The following AGBL4 variants were observed in gnomAD, a reference collection of about 807,000 sequenced individuals.
AGBL4 encodes cytosolic carboxypeptidase 6.
AGBL4 carries 58 observed loss-of-function variants against 66.4 expected under a neutral mutation model. That is an observed-to-expected ratio of 0.87 (90% confidence interval 0.71 to 1.09). The LOEUF is 1.09. Among genes scored for constraint, AGBL4 ranks in the 50% least tolerant of loss-of-function variants. The pLI, the probability that AGBL4 is intolerant of heterozygous loss-of-function variation, is 0.00. For synonymous variants in AGBL4, 234 were observed against 222.9 expected (o/e 1.05, Z -0.44); for missense variants, 579 against 631.0 (o/e 0.92, Z 0.88).
In AGBL4 at chr1:49,557,491, T is replaced by C. The variant is rs370510543; in HGVS notation, c.282+139822A>G. Among the ~76,000 whole-genome samples the C allele has an allele frequency of 1.4e-3, 209 of 152,078 alleles. 1 individual carries two copies. The highest frequency in any genetic ancestry group is 4.7e-3 in the African/African-American group (195 of 41,494). ...CGCTGGGGAAGGAAGAACACAGCAA[T>C]GATGAGACATTGAACTCAGGGCTGT... On this transcript the variant is annotated intron_variant, in intron 3 of 13. Coordinates refer to ENST00000371839, the MANE Select transcript of AGBL4 (RefSeq NM_032785.4).
intron 5 of AGBL4, among the ~76,000 whole-genome samples, chr1:48,957,086 A>G (rs936179964): frequency 6.6e-6 from 1 of 152,124 alleles, no homozygotes; most frequent in African/African-American, 2.4e-5. Flanking sequence ...TTTTAACCCA[A>G]CCCTTCTTTT....
chr1:49,463,644 G>A (rs1646563471), intron 3 of AGBL4, among the ~76,000 whole-genome samples: 1 of 151,678 alleles, frequency 6.6e-6, no homozygotes. Flanking sequence ...AAAAGGAGAT[G>A]GGGAGTAATT....
intron 1 of AGBL4, among the ~76,000 whole-genome samples, chr1:49,959,898 A>C (rs1254845092): frequency 6.6e-6 from 1 of 151,964 alleles, no homozygotes; most frequent in African/African-American, 2.4e-5. Context: ...GGTGGAGCTT[A>C]AGCGAACTAA....
At chr1:48,986,692 G>C (rs1660202310) in intron 5 of AGBL4, among the ~76,000 whole-genome samples, 1 of 151,794 alleles carries the variant, frequency 6.6e-6, no homozygotes, top group Admixed American at 6.6e-5. Flanking sequence ...TATGCCAGAT[G>C]GAAATATGGA....
intron 2 of AGBL4, among the ~76,000 whole-genome samples, chr1:49,709,718 T>A (rs1023922187): frequency 4.0e-5 from 6 of 151,840 alleles, no homozygotes; most frequent in African/African-American, 1.5e-4. Flanking sequence ...ATATCCAGAA[T>A]CTACAAGGAA....
chr1:49,804,466 TAC>T (rs1261641342), intron 2 of AGBL4, among the ~76,000 whole-genome samples: 3 of 152,216 alleles, frequency 2.0e-5, no homozygotes, highest in Non-Finnish European at 4.4e-5. Flanking sequence ...TAAAATTATT[TAC>T]TTAAGAGTAT....
intron 2 of AGBL4, among the ~76,000 whole-genome samples, chr1:49,802,260 C>CG (rs11338667): frequency 0.016 from 2,435 of 151,438 alleles, 27 homozygotes; most frequent in Non-Finnish European, 0.025. Flanking sequence ...ACAGACACAT[C>CG]GGGGGGGGTC....
At chr1:48,634,895 C>T (rs1224801706) in intron 8 of AGBL4, among the ~76,000 whole-genome samples, 1 of 152,108 alleles carries the variant, frequency 6.6e-6, no homozygotes, top group African/African-American at 2.4e-5. Context: ...GACACATGAC[C>T]CATAGACACA....
chr1:49,673,425 T>C (rs1571303492), intron 3 of AGBL4, among the ~76,000 whole-genome samples: 1 of 152,316 alleles, frequency 6.6e-6, no homozygotes, highest in Admixed American at 6.5e-5. Context: ...AACAACTTAA[T>C]TGTATATTTT....
chr1:49,628,440 T>C (rs1360204309), intron 3 of AGBL4, among the ~76,000 whole-genome samples: 1 of 152,254 alleles, frequency 6.6e-6, no homozygotes, highest in East Asian at 1.9e-4. Context: ...GCCTGCCAGA[T>C]CTTATGCTTT....
At chr1:49,822,021 G>C (rs1472882449) in intron 2 of AGBL4, among the ~76,000 whole-genome samples, 1 of 152,046 alleles carries the variant, frequency 6.6e-6, no homozygotes, top group Non-Finnish European at 1.5e-5. Context: ...AAACAACTTT[G>C]ATGGTGATCT....
intron 4 of AGBL4, among the ~76,000 whole-genome samples, chr1:49,206,702 A>G (rs1648161157): frequency 6.6e-6 from 1 of 152,122 alleles, no homozygotes; most frequent in Admixed American, 6.6e-5. Context: ...CACTGACAAA[A>G]AAATCAAGTA....
intron 3 of AGBL4, among the ~76,000 whole-genome samples, chr1:49,607,471 C>T (rs1645080505): frequency 6.6e-6 from 1 of 152,096 alleles, no homozygotes; most frequent in South Asian, 2.1e-4. Flanking sequence ...TTTGCATACA[C>T]CATTCTCTTT....
the AGBL4 span, among the ~76,000 whole-genome samples, chr1:48,524,758 C>T: frequency 1.4e-3 from 218 of 152,112 alleles, 1 homozygote; most frequent in African/African-American, 4.9e-3. Context: ...AAGATGTTCA[C>T]ATAATGGTAG....
intron 3 of AGBL4, among the ~76,000 whole-genome samples, chr1:49,609,767 G>A (rs1398983766): frequency 1.3e-5 from 2 of 152,000 alleles, no homozygotes; most frequent in East Asian, 1.9e-4. Context: ...AGTAGGCCCT[G>A]GTGTCTATTG....
intron 3 of AGBL4, among the ~76,000 whole-genome samples, chr1:49,649,612 A>G (rs912638954): frequency 2.0e-5 from 3 of 152,168 alleles, no homozygotes; most frequent in Non-Finnish European, 4.4e-5. Flanking sequence ...AATCAATATA[A>G]TGGACCATAA....
intron 1 of AGBL4, among the ~76,000 whole-genome samples, chr1:49,851,852 A>G (rs1482948170): frequency 1.3e-5 from 2 of 152,182 alleles, no homozygotes. Flanking sequence ...TACTATCATT[A>G]TCAAAATCCA....
chr1:49,870,353 C>A (rs1227202020), intron 1 of AGBL4, among the ~76,000 whole-genome samples: 1 of 151,866 alleles, frequency 6.6e-6, no homozygotes, highest in Non-Finnish European at 1.5e-5. Flanking sequence ...TTGTACAATA[C>A]TTAATAAAAA....
chr1:49,155,623 A>C (rs1244702686), intron 4 of AGBL4, among the ~76,000 whole-genome samples: 2 of 152,284 alleles, frequency 1.3e-5, no homozygotes, highest in South Asian at 4.1e-4. Context: ...AAAATCTAAA[A>C]AATAGAGAAG....
Sources: allele counts gnomAD v4.1 joint callset (sites outside exome capture counted in the v4.1 genomes callset), GRCh38; gene constraint gnomAD v4.1.1; transcripts MANE v1.5; gene names NCBI Gene and HGNC (gene_info 2026-07-23, HGNC 2026-07-21).